TRPM3: variants seen among roughly 807,000 people sequenced by gnomAD.
TRPM3 encodes long transient receptor potential channel 3.
In TRPM3, 77 loss-of-function variants were observed where a neutral mutation model predicts 181.2. That is an observed-to-expected ratio of 0.42 (90% CI 0.35 to 0.51). The LOEUF (loss-of-function observed/expected upper bound fraction) is 0.51. TRPM3 is among the 20% of genes least tolerant of loss of function. The pLI, the probability that TRPM3 is intolerant of heterozygous loss-of-function variation, is 0.01. For synonymous variants in TRPM3, 745 were observed against 796.4 expected (o/e 0.94, Z 1.09); for missense variants, 1,759 against 2,196.7 (o/e 0.80, Z 3.98).
intron 1 of TRPM3, among the ~76,000 whole-genome samples, chr9:71,069,541 G>A (rs1001083083): frequency 8.5e-5 from 13 of 152,168 alleles, no homozygotes; most frequent in Non-Finnish European, 1.5e-4. Context: ...TTACTATGGG[G>A]GTGGCATGAC....
At chr9:71,367,662 C>T (rs565839487) in intron 1 of TRPM3, among the ~76,000 whole-genome samples, 1 of 152,070 alleles carries the variant, frequency 6.6e-6, no homozygotes, top group Non-Finnish European at 1.5e-5. Context: ...TCATCGAAAC[C>T]ATCAAATAAG....
intron 5 of TRPM3, among the ~76,000 whole-genome samples, chr9:70,839,663 A>G (rs1460172096): frequency 6.6e-6 from 1 of 152,120 alleles, no homozygotes; most frequent in East Asian, 1.9e-4. Flanking sequence ...TTATCCTTGG[A>G]TTTATTTCCA....
At chr9:71,105,619 G>A (rs964274173) in intron 1 of TRPM3, among the ~76,000 whole-genome samples, 5 of 152,096 alleles carry the variant, frequency 3.3e-5, no homozygotes, top group Non-Finnish European at 7.4e-5. Context: ...TTGTGTCCTG[G>A]GGTGTAAGGG....
intron 1 of TRPM3, among the ~76,000 whole-genome samples, chr9:71,372,653 T>G (rs1461287024): frequency 1.3e-5 from 2 of 152,194 alleles, no homozygotes; most frequent in African/African-American, 2.4e-5. Flanking sequence ...GTATGTCTCC[T>G]TTTGAGAAGA....
chr9:71,291,689 A>T (rs2085827200), intron 1 of TRPM3, among the ~76,000 whole-genome samples: 1 of 152,122 alleles, frequency 6.6e-6, no homozygotes, highest in Admixed American at 6.6e-5. Context: ...AAGAAAAAAT[A>T]ATACAGATAC....
intron 9 of TRPM3, among the ~76,000 whole-genome samples, chr9:70,655,305 C>CAAAAAAAAAAAAAAAAAAAAAA (rs1169901529): frequency 3.0e-5 from 1 of 33,186 alleles, no homozygotes; most frequent in Non-Finnish European, 5.9e-5. Context: ...GACTCCGTCT[C>CAAAAAAAAAAAAAAAAAAAAAA]AAAAAAAAAA....
Position 71,221,946 on chromosome 9 carries a change from A to G in TRPM3, c.183+224707T>C, listed in dbSNP as rs563237140. Among the ~76,000 whole-genome samples the G allele has an allele frequency of 4.6e-5, 7 of 152,320 alleles. No individual in the cohort carries two copies. In the East Asian group the frequency reaches 1.4e-3, roughly 29 times the overall value. On this transcript the variant is annotated intron_variant, in intron 1 of 24. Coordinates refer to the TRPM3 transcript ENST00000357533. ...GCCCAGTCGTTTGAAATTTAATAAG[A>G]TAAATATCAATTTCCCTACCACTAA... is the stretch of plus-strand genomic sequence containing the variant.
chr9:71,039,430 C>T (rs1455944123), intron 1 of TRPM3, among the ~76,000 whole-genome samples: 2 of 152,060 alleles, frequency 1.3e-5, no homozygotes, highest in Admixed American at 1.3e-4. Flanking sequence ...TCAGTAGATG[C>T]TTTTTAATAG....
intron 1 of TRPM3, among the ~76,000 whole-genome samples, chr9:71,308,610 G>A (rs1190759905): frequency 2.6e-5 from 4 of 152,142 alleles, no homozygotes; most frequent in African/African-American, 9.7e-5. Flanking sequence ...GACTTGGTCT[G>A]ACTCAGAAGG....
chr9:71,091,861 G>A (rs553413921), intron 1 of TRPM3, among the ~76,000 whole-genome samples: 13 of 152,136 alleles, frequency 8.5e-5, no homozygotes, highest in African/African-American at 2.9e-4. Flanking sequence ...TTTGACTATT[G>A]TGAATGATTA....
At position 71,080,085 on chromosome 9, in the gene TRPM3, G is replaced by A. The variant is rs539884428; in HGVS notation, c.177+41093C>T. Among the ~76,000 whole-genome samples, 14 of 151,880 alleles carry A rather than the reference G, an allele frequency of 9.2e-5. No individual in the cohort carries two copies. The East Asian group carries it at 2.5e-3, about 27-fold the overall frequency. ...CTTGAGAGGCTGAGGCAGGAGAATC[G>A]CTTGAACCCGGGAGGCAGAGGTTGC... On this transcript the variant is annotated intron_variant, in intron 1 of 25. Transcript: ENST00000677713.
At chr9:71,332,376 G>GGGGTGT (rs566139399) in intron 1 of TRPM3, among the ~76,000 whole-genome samples, 4 of 142,324 alleles carry the variant, frequency 2.8e-5, no homozygotes, top group African/African-American at 7.7e-5. Context: ...TTCAATGTTG[G>GGGGTGT]GTGTGTGTGT....
intron 22 of TRPM3, among the ~76,000 whole-genome samples, chr9:70,583,738 A>T (rs532231610): frequency 6.6e-6 from 1 of 152,270 alleles, no homozygotes; most frequent in East Asian, 1.9e-4. Context: ...TCTCTATTAC[A>T]CAAAGTCTCC....
chr9:71,306,313 C>T (rs567131988), intron 1 of TRPM3, among the ~76,000 whole-genome samples: 1 of 152,304 alleles, frequency 6.6e-6, no homozygotes, highest in South Asian at 2.1e-4. Flanking sequence ...ATGACTTGAA[C>T]TGTCATACAA....
In TRPM3 at chr9:71,098,491, A is replaced by G. The variant is rs182613690; in HGVS notation, c.177+22687T>C. ...ACTATTCAGCTGAGTCGCAATTTAT[A>G]CAATGCTAGTAAGTAGTGAGTATAT... On this transcript the variant is annotated intron_variant, in intron 1 of 25. Coordinates refer to ENST00000677713, the MANE Select transcript of TRPM3 (RefSeq NM_001366145.2). 1.3e-3 allele frequency among the ~76,000 whole-genome samples: 199 copies of G among 152,276 alleles called. 1 individual carries two copies. The highest frequency in any genetic ancestry group is 6.8e-3 in the Middle Eastern group (2 of 294).
At chr9:71,111,061 G>A (rs2070961769) in intron 1 of TRPM3, among the ~76,000 whole-genome samples, 1 of 152,078 alleles carries the variant, frequency 6.6e-6, no homozygotes, top group Non-Finnish European at 1.5e-5. Context: ...TGAAAAATAT[G>A]CTCTGCTTTT....
At chr9:71,203,697 G>A (rs2078940650) in intron 1 of TRPM3, among the ~76,000 whole-genome samples, 1 of 152,108 alleles carries the variant, frequency 6.6e-6, no homozygotes, top group Non-Finnish European at 1.5e-5. Flanking sequence ...GGGTTGTTGT[G>A]AGGATTAAAT....
At chr9:70,761,085 T>G in intron 8 of TRPM3, 2 of 225,514 alleles carry the variant, frequency 8.9e-6, no homozygotes, top group African/African-American at 2.3e-5. Context: ...TCATACCACA[T>G]TTGTAAGACA....
chr9:70,860,844 G>C (rs1199268900), intron 3 of TRPM3, among the ~76,000 whole-genome samples: 1 of 152,094 alleles, frequency 6.6e-6, no homozygotes, highest in African/African-American at 2.4e-5. Flanking sequence ...TGTGTGCTCA[G>C]CACTGTGTCA....
Sources: gnomAD v4.1 joint callset for allele counts (sites outside exome capture counted in the v4.1 genomes callset) on GRCh38, gnomAD v4.1.1 for gene constraint, MANE v1.5 for transcripts, NCBI Gene and HGNC (gene_info 2026-07-23, HGNC 2026-07-21) for gene names.